AGBL1: variants seen among roughly 807,000 people sequenced by gnomAD.
AGBL1 encodes the protein AGBL carboxypeptidase 1.
In AGBL1, 130 loss-of-function variants were observed where a neutral mutation model predicts 118.9. The observed-to-expected ratio is 1.09, with a 90% CI of 0.95 to 1.26. The LOEUF (loss-of-function observed/expected upper bound fraction) is 1.26. Among genes scored for constraint, AGBL1 ranks in the 50% most tolerant of loss-of-function variants. The pLI is 0.00. For missense variants in AGBL1, 1,584 were observed against 1,298.1 expected (o/e 1.22, Z -3.38); for synonymous variants, 555 against 478.9 (o/e 1.16, Z -2.08).
rs71399814 is a variant in AGBL1 at position 86,155,661 on chromosome 15, A to G, written c.394+1100A>G. Reference sequence around the variant, plus strand: ...CCCTTCCTATGAAATGAAAGTGACAATTATTTAGAGGTTATATAGTTGATA... The same window carrying G: ...CCCTTCCTATGAAATGAAAGTGACAGTTATTTAGAGGTTATATAGTTGATA... On this transcript the variant is annotated intron_variant, in intron 4 of 22. Coordinates refer to ENST00000614907, the MANE Select transcript of AGBL1 (RefSeq NM_001386094.1). Among the ~76,000 whole-genome samples, 326 of 152,180 alleles carry G rather than the reference A, an allele frequency of 2.1e-3. 2 individuals are homozygous for G. Among genetic ancestry groups the G allele is most frequent in the Middle Eastern group, 6.8e-3 (2 of 294 alleles).
chr15:86,445,833 A>G (rs1243210046), intron 18 of AGBL1, among the ~76,000 whole-genome samples: 1 of 152,234 alleles, frequency 6.6e-6, no homozygotes, highest in Admixed American at 6.5e-5. Flanking sequence ...AGCACGTTGT[A>G]TTAAATCATT....
At chr15:86,691,774 A>G (rs1192029006) in intron 22 of AGBL1, among the ~76,000 whole-genome samples, 1 of 152,134 alleles carries the variant, frequency 6.6e-6, no homozygotes, top group Non-Finnish European at 1.5e-5. Context: ...ATTAAGGAAC[A>G]TTATTGCTAA....
intron 17 of AGBL1, among the ~76,000 whole-genome samples, chr15:86,367,916 C>T (rs966445076): frequency 6.6e-5 from 10 of 152,038 alleles, no homozygotes; most frequent in East Asian, 1.9e-4. Context: ...TAGAAGGAGA[C>T]GTGGTAGCTA....
intron 18 of AGBL1, among the ~76,000 whole-genome samples, chr15:86,479,067 A>G (rs1175687702): frequency 6.6e-6 from 1 of 152,218 alleles, no homozygotes; most frequent in African/African-American, 2.4e-5. Context: ...CTTACACCTT[A>G]TACAAAAATC....
intron 21 of AGBL1, among the ~76,000 whole-genome samples, chr15:86,648,716 C>T (rs907768553): frequency 1.3e-5 from 2 of 152,038 alleles, no homozygotes; most frequent in South Asian, 2.1e-4. Context: ...CAATAAGAAA[C>T]GAGGTAGAAG....
intron 21 of AGBL1, among the ~76,000 whole-genome samples, chr15:86,651,786 C>T (rs542616627): frequency 6.6e-6 from 1 of 152,158 alleles, no homozygotes; most frequent in South Asian, 2.1e-4. Context: ...TAACTCTTAA[C>T]ACTGAGTTCA....
chr15:86,607,230 T>C (rs2084590267), intron 21 of AGBL1, among the ~76,000 whole-genome samples: 1 of 152,234 alleles, frequency 6.6e-6, no homozygotes, highest in Non-Finnish European at 1.5e-5. Context: ...ACACTTTGAT[T>C]GCTTCCAAGC....
chr15:86,798,560 T>G (rs2078606137), intron 22 of AGBL1, among the ~76,000 whole-genome samples: 1 of 152,026 alleles, frequency 6.6e-6, no homozygotes, highest in South Asian at 2.1e-4. Context: ...ATAATAGCAA[T>G]GAACTAGACA....
intron 5 of AGBL1, among the ~76,000 whole-genome samples, chr15:86,190,840 C>G (rs1003993699): frequency 3.3e-5 from 5 of 152,132 alleles, no homozygotes; most frequent in Non-Finnish European, 7.4e-5. Flanking sequence ...CAAAACCCCT[C>G]TAAAAGATAT....
At chr15:87,012,192 T>TACACACACACAC (rs57985975) in intron 24 of AGBL1, among the ~76,000 whole-genome samples, 40 of 142,786 alleles carry the variant, frequency 2.8e-4, no homozygotes, top group African/African-American at 9.9e-4. Flanking sequence ...TACAAATTTA[T>TACACACACACAC]ACACACACAC....
At chr15:86,499,864 T>A (rs2082898576) in intron 18 of AGBL1, among the ~76,000 whole-genome samples, 1 of 151,888 alleles carries the variant, frequency 6.6e-6, no homozygotes, top group South Asian at 2.1e-4. Context: ...TCTATTGTTA[T>A]ATAAATGAAG....
chr15:86,279,571 C>T, intron 15 of AGBL1, 68 bp from the exon 16 acceptor site: 1 of 1,491,794 alleles, frequency 6.7e-7, no homozygotes, highest in African/African-American at 1.4e-5. Context: ...CATCTAGGAC[C>T]CTAAATGACC....
At chr15:86,178,430 A>G (rs566670904) in intron 5 of AGBL1, among the ~76,000 whole-genome samples, 1 of 152,352 alleles carries the variant, frequency 6.6e-6, no homozygotes, top group South Asian at 2.1e-4. Flanking sequence ...TAGATATGCA[A>G]AGGATAACAA....
At chr15:86,259,491 T>A (rs1057227275) in intron 9 of AGBL1, among the ~76,000 whole-genome samples, 3 of 152,230 alleles carry the variant, frequency 2.0e-5, no homozygotes, top group Admixed American at 1.3e-4. Context: ...CTTTCTCTCC[T>A]TCTTTCCTAT....
At chr15:86,507,729 A>G (rs137993636) in intron 18 of AGBL1, among the ~76,000 whole-genome samples, 573 of 152,276 alleles carry the variant, frequency 3.8e-3, no homozygotes, top group Non-Finnish European at 6.3e-3. Context: ...GAAAGCAGTT[A>G]AGAAACCCTT....
chr15:86,286,735 G>GTGTGTGTATATATATA, intron 16 of AGBL1, among the ~76,000 whole-genome samples: 1 of 106,292 alleles, frequency 9.4e-6, no homozygotes, highest in Admixed American at 9.1e-5. Context: ...GTTTGTGTGT[G>GTGTGTGTATATATATA]TATATATATA....
intron 18 of AGBL1, among the ~76,000 whole-genome samples, chr15:86,458,271 A>G (rs1229745958): frequency 3.9e-5 from 6 of 152,140 alleles, no homozygotes; most frequent in Non-Finnish European, 5.9e-5. Context: ...AAAAATAACT[A>G]TAATAATTTT....
intron 17 of AGBL1, among the ~76,000 whole-genome samples, chr15:86,306,941 C>A (rs1191146083): frequency 5.3e-5 from 8 of 152,096 alleles, no homozygotes; most frequent in Non-Finnish European, 1.2e-4. Flanking sequence ...TTTTCATGTA[C>A]CTGTTTGCCA....
intron 7 of AGBL1, among the ~76,000 whole-genome samples, chr15:86,249,307 T>C (rs938334884): frequency 2.6e-5 from 4 of 152,172 alleles, no homozygotes; most frequent in Non-Finnish European, 5.9e-5. Context: ...TTTTTCTCTA[T>C]CTGAGTACAT....
Sources: allele counts gnomAD v4.1 joint callset (sites outside exome capture counted in the v4.1 genomes callset), GRCh38; gene constraint gnomAD v4.1.1; transcripts MANE v1.5; gene names NCBI Gene and HGNC (gene_info 2026-07-23, HGNC 2026-07-21).